Variants in PCNT observed in about 807,000 individuals in gnomAD.
PCNT encodes the protein pericentrin, also known as kendrin.
A neutral mutation model predicts 380.4 loss-of-function variants in PCNT; 319 were observed. The ratio of observed to expected loss-of-function variants is 0.84; its 90% CI spans 0.77 to 0.92. PCNT has a LOEUF of 0.92. Ranked by LOEUF, PCNT falls within the 40% of genes least tolerant of loss-of-function variation. The pLI is 0.00. For synonymous variants in PCNT, 1,845 were observed against 1,735.2 expected (o/e 1.06, Z -1.57); for missense variants, 4,400 against 4,255.3 (o/e 1.03, Z -0.95).
Position 46,399,650 on chromosome 21 carries a change from C to T in PCNT, c.4645C>T (p.Gln1549Ter), listed in dbSNP as rs956069303. 6.2e-7 allele frequency: 1 copy of T among 1,613,742 alleles called. No homozygotes were observed. The highest frequency in any genetic ancestry group is 8.5e-7 in the Non-Finnish European group (1 of 1,179,702). ...KLDEFNELAI[Q>*]KESADRQVLM... The stretch of plus-strand genomic sequence containing the variant: ...GGATGAATTTAATGAATTGGCTATA[C>T]AGAAAGAGTCGGCAGATAGACAAGT... Residue 1549 changes from glutamine (Q) to a stop codon, truncating the protein, a stop_gained, in exon 25 of 47, where the codon CAG (glutamine) becomes TAG (stop). Coordinates refer to ENST00000359568, the MANE Select transcript of PCNT (RefSeq NM_006031.6). LOFTEE classifies it high-confidence loss of function.
At chr21:46,397,242 G>T in intron 21 of PCNT, 23 bp from the exon 22 acceptor site, 1 of 1,593,796 alleles carries the variant, frequency 6.3e-7, no homozygotes, top group Non-Finnish European at 8.6e-7. Context: ...GTGTCCCCGT[G>T]TCTGTCCTGT....
At position 46,436,119 on chromosome 21, in the gene PCNT, C is replaced by T. The variant is rs1480554688; in HGVS notation, c.8967C>T (p.Leu2989=). 3 of 1,609,380 alleles carry T rather than the reference C, an allele frequency of 1.9e-6. No homozygotes were observed. In the Admixed American group the frequency reaches 5.0e-5, roughly 27 times the overall value. The change falls in exon 39 of 47, where the codon CTC becomes CTT. Residue 2989 remains leucine, a synonymous_variant. Coordinates refer to ENST00000359568, the MANE Select transcript of PCNT (RefSeq NM_006031.6). ...RQRLLSAARL[L]TSFTSQAVDR... ...GGCTGCTCTCTGCCGCCCGGCTTCT[C>T]ACCAGCTTCACCAGCCAGGCCGTGG...
chr21:46,440,157 G>A lies in PCNT; in HGVS notation c.9348G>A (p.Arg3116=). 1 of 1,614,134 alleles carries A rather than the reference G, an allele frequency of 6.2e-7. No homozygotes were observed. The highest frequency in any genetic ancestry group is 8.5e-7 in the Non-Finnish European group (1 of 1,180,024). The change falls in exon 42 of 47, where the codon CGG becomes CGA. Residue 3116 remains arginine (R), a synonymous_variant. Coordinates refer to ENST00000359568, the MANE Select transcript of PCNT (RefSeq NM_006031.6). ...CCCTGAGGCGCCCAGACCCCGGCCG[G>A]CTTCCACCAGCTGCCAGCGAGGAAG... ...QSSLRRPDPG[R]LPPAASEEAH...
chr21:46,375,409 CACTT>C (rs1183473020), intron 15 of PCNT, among the ~76,000 whole-genome samples: 1 of 152,120 alleles, frequency 6.6e-6, no homozygotes, highest in African/African-American at 2.4e-5. Flanking sequence ...CTGTGCATGC[CACTT>C]ACTTATGATT....
At chr21:46,325,919 G>A (rs559647900) in intron 1 of PCNT, among the ~76,000 whole-genome samples, 2 of 152,210 alleles carry the variant, frequency 1.3e-5, no homozygotes, top group South Asian at 4.1e-4. Context: ...TTAATTTTTT[G>A]CTATTTCTGT....
intron 27 of PCNT, 72 bp from the exon 28 acceptor site, chr21:46,411,117 A>T: frequency 7.1e-7 from 1 of 1,416,478 alleles, no homozygotes; most frequent in South Asian, 1.2e-5. Context: ...TTCAGGATGT[A>T]ACGTGCCCTG....
chr21:46,324,768 T>C, intron 1 of PCNT: 1 of 596,470 alleles, frequency 1.7e-6, no homozygotes, highest in Non-Finnish European at 2.1e-6. Context: ...GGCTGCTTGG[T>C]CTAGGGCCAG....
At chr21:46,398,289 C>T (rs771822157) in intron 24 of PCNT, 34 bp downstream of exon 24, 49 of 1,583,538 alleles carry the variant, frequency 3.1e-5, no homozygotes, top group African/African-American at 8.1e-5. Flanking sequence ...GCACTCCCTG[C>T]GCTGGCGCCC....
At chr21:46,331,283 A>T (rs890135570) in intron 2 of PCNT, among the ~76,000 whole-genome samples, 1 of 152,092 alleles carries the variant, frequency 6.6e-6, no homozygotes, top group Admixed American at 6.6e-5. Flanking sequence ...CGGCCTCCCA[A>T]AGTGCTGGGA....
chr21:46,411,603 C>G lies in PCNT; in HGVS notation c.5530C>G (p.Leu1844Val), dbSNP rs2086787147. The change falls in exon 28 of 47, where the codon CTC (leucine) becomes GTC (valine). Residue 1844 changes from leucine (L) to valine (V), a missense_variant. Physicochemically the swap from Leu to Val is conservative, Grantham distance 32 (BLOSUM62 1). Transcript: ENST00000359568. ...GGCTGAGCTGGAGCGCAATGTAGCC[C>G]TCAGGGAGGCTGAGGTCGAAGACAT... ...QLAELERNVALREAEVEDMAS... is the reference protein window; with the variant it reads ...QLAELERNVAVREAEVEDMAS... 5 of 1,613,064 alleles carry G rather than the reference C, an allele frequency of 3.1e-6. No individual in the cohort carries two copies. Among genetic ancestry groups the G allele is most frequent in the Non-Finnish European group, 3.4e-6 (4 of 1,179,852 alleles).
chr21:46,349,631 T>C (rs1008116781), intron 7 of PCNT, 53 bp from the exon 8 acceptor site: 18 of 1,588,402 alleles, frequency 1.1e-5, no homozygotes, highest in Non-Finnish European at 1.6e-5. Flanking sequence ...CTGAGGTCGC[T>C]GTTGAGGAGA....
Position 46,437,084 on chromosome 21 carries a change from A to G in PCNT, c.9099+3A>G. On this transcript the variant is annotated splice_donor_region_variant and intron_variant, in intron 40 of 46. Coordinates refer to ENST00000359568, the MANE Select transcript of PCNT (RefSeq NM_006031.6). The stretch of plus-strand genomic sequence containing the variant: ...TGAGCAGGCCCACCTCCTCCCAGGT[A>G]AGGGGTGAGCGCCCCCAGGTCCCTG... The G allele has an allele frequency of 6.2e-7, 1 of 1,609,548 alleles. No individual in the cohort carries two copies. The highest frequency in any genetic ancestry group is 2.2e-5 in the East Asian group (1 of 44,874).
chr21:46,401,499 G>T (rs1239884865), intron 25 of PCNT, 52 bp from the exon 26 acceptor site: 3 of 1,427,634 alleles, frequency 2.1e-6, no homozygotes, highest in South Asian at 2.3e-5. Context: ...AGCAGTTGAG[G>T]TACTGAATTC....
At position 46,421,774 on chromosome 21, in the gene PCNT, C is replaced by T. The variant is rs371305575; in HGVS notation, c.7025-196C>T. The stretch of plus-strand genomic sequence containing the variant: ...TGTGAAGTTGCGTTTTCTTACTTGA[C>T]GTGCGTCTTTCTCACCAGGGTTATG... On this transcript the variant is annotated intron_variant, in intron 31 of 46. Transcript: ENST00000359568. Among the ~76,000 whole-genome samples the T allele has an allele frequency of 1.7e-4, 26 of 152,330 alleles. No homozygotes were observed. The East Asian group carries it at 3.7e-3, about 22-fold the overall frequency.
At chr21:46,375,656 T>C (rs928572351) in intron 15 of PCNT, among the ~76,000 whole-genome samples, 6 of 152,178 alleles carry the variant, frequency 3.9e-5, no homozygotes, top group Non-Finnish European at 8.8e-5. Flanking sequence ...CTGCTCGACA[T>C]TGTGGCCGAG....
chr21:46,330,234 C>T (rs1346855507), intron 2 of PCNT, among the ~76,000 whole-genome samples: 1 of 152,196 alleles, frequency 6.6e-6, no homozygotes, highest in Middle Eastern at 3.4e-3. Flanking sequence ...CCTCCTGCCT[C>T]AGCCTCCCTA....
In PCNT at chr21:46,442,224, A is replaced by G. The variant is rs529548557; in HGVS notation, c.9624-273A>G. Among the ~76,000 whole-genome samples, 7 of 152,116 alleles carry G rather than the reference A, an allele frequency of 4.6e-5. No individual in the cohort carries two copies. In the East Asian group the frequency reaches 1.2e-3, roughly 25 times the overall value. On this transcript the variant is annotated intron_variant, in intron 43 of 46. Coordinates refer to ENST00000359568, the MANE Select transcript of PCNT (RefSeq NM_006031.6). Reference sequence around the variant, plus strand: ...CTGAGCTGGGCCATGGTGGGTGTCTAGGGGACCATATGGTCCACGGTGGGG... The same window carrying G: ...CTGAGCTGGGCCATGGTGGGTGTCTGGGGGACCATATGGTCCACGGTGGGG...
chr21:46,363,900 G>A lies in PCNT; in HGVS notation c.2575G>A (p.Asp859Asn), dbSNP rs115369710. The change falls in exon 14 of 47, where the codon GAC (aspartate) becomes AAC (asparagine). Residue 859 changes from aspartate (D) to asparagine (N), a missense_variant. Physicochemically the swap from Asp to Asn is conservative, Grantham distance 23 (BLOSUM62 1). Transcript: ENST00000359568. ...GCTTGCTGCGCTCCACGTGAAGGAAGACTGCGCCCTGCAGCTGATGCTGGC... is the reference window on the plus strand; with the variant it reads ...GCTTGCTGCGCTCCACGTGAAGGAAAACTGCGCCCTGCAGCTGATGCTGGC... ...GELAALHVKE[D>N]CALQLMLARS... 1,908 of 1,611,132 alleles carry A rather than the reference G, an allele frequency of 1.2e-3. 20 individuals are homozygous for A. The African/African-American group carries it at 0.023, about 19-fold the overall frequency.
intron 3 of PCNT, among the ~76,000 whole-genome samples, chr21:46,344,020 T>C (rs1390203787): frequency 6.6e-6 from 1 of 152,266 alleles, no homozygotes; most frequent in South Asian, 2.1e-4. Flanking sequence ...CCTTTCCTGG[T>C]TAATCTCACT....
Sources: gnomAD v4.1 joint callset for allele counts (sites outside exome capture counted in the v4.1 genomes callset) on GRCh38, gnomAD v4.1.1 for gene constraint, MANE v1.5 for transcripts, NCBI Gene and HGNC (gene_info 2026-07-23, HGNC 2026-07-21) for gene names.